ZNF532: variants seen among roughly 807,000 people sequenced by gnomAD.
ZNF532 encodes zinc finger protein 532.
ZNF532 carries 22 observed loss-of-function variants against 89.3 expected under a neutral mutation model. The ratio of observed to expected loss-of-function variants is 0.25; its 90% confidence interval spans 0.18 to 0.35. The LOEUF (loss-of-function observed/expected upper bound fraction) is 0.35, where lower values mean the gene tolerates loss of function less well. ZNF532 is among the 10% of genes least tolerant of loss of function. The pLI is 1.00. For synonymous variants in ZNF532, 606 were observed against 649.6 expected, an observed-to-expected ratio of 0.93 and a Z score of 1.02; for missense variants, 1,132 against 1,643.4, an observed-to-expected ratio of 0.69 and a Z score of 5.38.
chr18:58,898,624 C>T (rs1424345068), intron 2 of ZNF532, among the ~76,000 whole-genome samples: 5 of 152,176 alleles, frequency 3.3e-5, no homozygotes, highest in Non-Finnish European at 5.9e-5. Context: ...GCGCTAGACC[C>T]GCTGATCCCA....
At chr18:58,975,112 G>C (rs2066894233) in intron 7 of ZNF532, among the ~76,000 whole-genome samples, 1 of 152,180 alleles carries the variant, frequency 6.6e-6, no homozygotes, top group African/African-American at 2.4e-5. Flanking sequence ...CTTTAGGAGT[G>C]AATTTTGGAG....
At chr18:58,874,215 C>G (rs535476116) in intron 2 of ZNF532, among the ~76,000 whole-genome samples, 2 of 152,232 alleles carry the variant, frequency 1.3e-5, no homozygotes, top group East Asian at 3.9e-4. Flanking sequence ...GTTTTAGTTA[C>G]AGCTGCCCTA....
chr18:58,938,111 G>A (rs1024509228), intron 4 of ZNF532, among the ~76,000 whole-genome samples: 3 of 152,176 alleles, frequency 2.0e-5, no homozygotes, highest in Admixed American at 2.0e-4. Flanking sequence ...ATTCAGAAGG[G>A]AGGTTCTAAG....
chr18:58,954,711 CTT>C (rs11416830), intron 7 of ZNF532, among the ~76,000 whole-genome samples: 1 of 106,324 alleles, frequency 9.4e-6, no homozygotes. Flanking sequence ...GAATTTGCTA[CTT>C]TTTTTTTTTT....
At chr18:58,950,658 TCTC>T (rs1207884633) in intron 6 of ZNF532, among the ~76,000 whole-genome samples, 4 of 152,016 alleles carry the variant, frequency 2.6e-5, no homozygotes, top group Admixed American at 1.3e-4. Context: ...GTCATTTTCT[TCTC>T]CTACCAAAAT....
chr18:58,917,663 AT>A (rs562496886), intron 2 of ZNF532, among the ~76,000 whole-genome samples: 366 of 151,748 alleles, frequency 2.4e-3, no homozygotes, highest in Middle Eastern at 6.8e-3. Context: ...AATAGGGAAA[AT>A]TAGGGTTAAA....
At chr18:58,886,467 AG>A (rs1401230764) in intron 2 of ZNF532, among the ~76,000 whole-genome samples, 1 of 152,028 alleles carries the variant, frequency 6.6e-6, no homozygotes, top group East Asian at 1.9e-4. Context: ...ACTTTTAATC[AG>A]GGCATGGTAC....
In ZNF532 at chr18:58,919,059, C is replaced by A; in HGVS notation, c.772C>A (p.Pro258Thr). The change falls in exon 3 of 10, where the codon CCA becomes ACA. Residue 258 changes from proline (P) to threonine (T), a missense_variant. Pro to Thr is a conservative substitution (Grantham distance 38). This residue lies in a region of ZNF532 where 302 missense variants were observed against 319.8 expected (regional missense o/e 0.94). Transcript: ENST00000591808. This position sits in a 1 kb window ranked among gnomAD's most constrained non-coding sequence, Gnocchi z 6.1. ...KNDTSLPSVA[P>T]SKTKSSSKLS... ...TGACACCAGCCTCCCCAGCGTTGCG[C>A]CATCAAAGACAAAGTCGTCCTCCAA... 1 of 1,614,060 alleles carries A rather than the reference C, an allele frequency of 6.2e-7. No individual in the cohort carries two copies. The highest frequency in any genetic ancestry group is 1.1e-5 in the South Asian group (1 of 91,066).
chr18:58,902,876 A>G (rs1248925142), intron 2 of ZNF532, among the ~76,000 whole-genome samples: 3 of 152,100 alleles, frequency 2.0e-5, no homozygotes, highest in Non-Finnish European at 4.4e-5. Context: ...TTTGAAAGTG[A>G]ATGAAATGCA....
At chr18:58,959,598 G>A (rs1388921368) in intron 7 of ZNF532, among the ~76,000 whole-genome samples, 2 of 152,144 alleles carry the variant, frequency 1.3e-5, no homozygotes, top group Non-Finnish European at 2.9e-5. Flanking sequence ...TACTGTGTCT[G>A]TAACTTGGGA....
chr18:58,939,431 T>A lies in ZNF532; in HGVS notation c.2529-14T>A. ...GGTCTTGTGCTAATGACCGTGTGTT[T>A]ATTTTTCTAACAGATGTGTGCATTG... is the stretch of plus-strand genomic sequence containing the variant. On this transcript the variant is annotated splice_polypyrimidine_tract_variant and intron_variant, in intron 4 of 9. Coordinates refer to ENST00000591808, the MANE Select transcript of ZNF532 (RefSeq NM_001375912.1). 1 of 1,606,996 alleles carries A rather than the reference T, an allele frequency of 6.2e-7. No individual in the cohort carries two copies.
chr18:58,963,485 GA>G (rs1438750616), intron 7 of ZNF532, among the ~76,000 whole-genome samples: 3 of 152,090 alleles, frequency 2.0e-5, no homozygotes, highest in Non-Finnish European at 4.4e-5. Context: ...TGTTACTTTT[GA>G]AAAGAATGGC....
At chr18:58,881,719 C>T (rs991907511) in intron 2 of ZNF532, among the ~76,000 whole-genome samples, 5 of 152,192 alleles carry the variant, frequency 3.3e-5, no homozygotes, top group African/African-American at 9.7e-5. Context: ...ATATCTTTGA[C>T]GTTCAAAGCC....
intron 9 of ZNF532, 27 bp from the exon 10 acceptor site, chr18:58,983,945 G>C (rs369238609): frequency 6.3e-7 from 1 of 1,584,648 alleles, no homozygotes; most frequent in Non-Finnish European, 8.6e-7. Context: ...GTTTTCAGTC[G>C]TGTCATTTGC....
At chr18:58,914,650 A>C (rs2060482954) in intron 2 of ZNF532, among the ~76,000 whole-genome samples, 1 of 152,260 alleles carries the variant, frequency 6.6e-6, no homozygotes, top group Non-Finnish European at 1.5e-5. Context: ...GCTGTACTCC[A>C]GCCTGGGTGA....
At chr18:58,976,126 C>G (rs916689469) in intron 7 of ZNF532, among the ~76,000 whole-genome samples, 1 of 152,182 alleles carries the variant, frequency 6.6e-6, no homozygotes, top group Non-Finnish European at 1.5e-5. Context: ...GGTAATGTGA[C>G]CAGGCAGGTT....
chr18:58,878,186 C>T (rs567602928), intron 2 of ZNF532, among the ~76,000 whole-genome samples: 1 of 152,044 alleles, frequency 6.6e-6, no homozygotes, highest in South Asian at 2.1e-4. Flanking sequence ...ACCTGGGAGG[C>T]AGGAGTTGCA....
chr18:58,916,743 A>C, intron 2 of ZNF532: 9 of 985,324 alleles, frequency 9.1e-6, no homozygotes, highest in Non-Finnish European at 1.1e-5. Context: ...TAATATACTG[A>C]GGGTCTTAGC....
chr18:58,970,898 C>T (rs1399267534), intron 7 of ZNF532, among the ~76,000 whole-genome samples: 1 of 152,240 alleles, frequency 6.6e-6, no homozygotes, highest in Non-Finnish European at 1.5e-5. Flanking sequence ...TGGCATGATG[C>T]TGGCAGCTTG....
Sources: allele counts gnomAD v4.1 joint callset (sites outside exome capture counted in the v4.1 genomes callset), GRCh38; gene constraint gnomAD v4.1.1; regional missense constraint gnomAD v4.1.1; non-coding constraint Gnocchi (gnomAD v3.1); transcripts MANE v1.5; gene names NCBI Gene and HGNC (gene_info 2026-07-23, HGNC 2026-07-21).